The following CRMP1 variants were observed in gnomAD, a reference collection of about 807,000 sequenced individuals.
CRMP1 encodes dihydropyrimidinase-related protein 1.
A neutral mutation model predicts 68.3 loss-of-function variants in CRMP1; 19 were observed. The ratio of observed to expected loss-of-function variants is 0.28; its 90% CI spans 0.19 to 0.41. The LOEUF is 0.41. Ranked by LOEUF, CRMP1 falls within the 10% of genes least tolerant of loss-of-function variation. The probability of loss-of-function intolerance (pLI) is 1.00; values close to 1 mark genes in which losing one functional copy is unlikely to be tolerated. For synonymous variants in CRMP1, 439 were observed against 399.6 expected (o/e 1.10, Z -1.18); for missense variants, 791 against 967.4 (o/e 0.82, Z 2.42).
intron 1 of CRMP1, among the ~76,000 whole-genome samples, chr4:5,885,860 A>G (rs1339982218): frequency 7.4e-6 from 1 of 134,568 alleles, no homozygotes; most frequent in Non-Finnish European, 1.6e-5. Context: ...ATGCAAACCC[A>G]CTAACAGCCA....
intron 12 of CRMP1, chr4:5,828,084 G>C (rs1481636002): frequency 1.0e-6 from 1 of 985,324 alleles, no homozygotes; most frequent in East Asian, 1.1e-4. Context: ...CACAGGGCCA[G>C]ACCCGAGGGT....
intron 1 of CRMP1, chr4:5,887,899 C>T (rs1473019328): frequency 4.4e-6 from 3 of 675,702 alleles, no homozygotes; most frequent in East Asian, 6.8e-5. Context: ...GGGTTCGGAC[C>T]CCTGCCCCTC....
At chr4:5,873,587 T>A (rs576538535) in intron 1 of CRMP1, among the ~76,000 whole-genome samples, 72 of 151,406 alleles carry the variant, frequency 4.8e-4, no homozygotes, top group Non-Finnish European at 8.4e-4. Flanking sequence ...AATAACCAGA[T>A]CTCCTCAGAA....
chr4:5,828,743 C>G (rs1720078962), intron 11 of CRMP1, 75 bp from the exon 12 acceptor site: 2 of 1,523,918 alleles, frequency 1.3e-6, no homozygotes, highest in Admixed American at 4.1e-5. Flanking sequence ...AGCGATTTTG[C>G]CTAACATTAT....
rs993164589 is a variant in CRMP1 at position 5,872,410 on chromosome 4, G to A, written c.382-5654C>T. Among the ~76,000 whole-genome samples the A allele has an allele frequency of 1.3e-5, 2 of 152,208 alleles. No individual in the cohort carries two copies. The highest frequency in any genetic ancestry group is 2.4e-5 in the African/African-American group (1 of 41,446). On this transcript the variant is annotated intron_variant, in intron 1 of 13. Coordinates refer to ENST00000324989, the MANE Select transcript of CRMP1 (RefSeq NM_001014809.3). This position sits in a 1 kb window ranked among gnomAD's most constrained non-coding sequence, Gnocchi z 4.6. ...ACATTATTATGTATAACCTAGGCCA[G>A]GTGCGGTGGCTCACGCCTGTAATCC...
At chr4:5,836,696 T>C in intron 10 of CRMP1, 69 bp downstream of exon 10, 1 of 1,610,592 alleles carries the variant, frequency 6.2e-7, no homozygotes, top group Non-Finnish European at 8.5e-7. Context: ...CCAGCGTGCA[T>C]AATGCATCGG....
In CRMP1 at chr4:5,889,986, T is replaced by C; in HGVS notation, c.381+2603A>G. 1 of 1,144,814 alleles carries C rather than the reference T, an allele frequency of 8.7e-7. No individual in the cohort carries two copies. Among genetic ancestry groups the C allele is most frequent in the African/African-American group, 1.6e-5 (1 of 63,952 alleles). The allele number at this position is 1,144,814 out of a possible 1,614,324, so 70.9% of individuals were successfully genotyped here. On this transcript the variant is annotated intron_variant, in intron 1 of 13. Transcript: ENST00000324989. The surrounding 1 kb of genome is among the most constrained non-coding windows in gnomAD (Gnocchi z 4.5). ...GATGTACCCCGGGTGCAAAACATAT[T>C]AGCTGCAGCAAAGCAGCATGGAGAT...
chr4:5,840,491 G>A (rs929380946), intron 8 of CRMP1, among the ~76,000 whole-genome samples: 8 of 152,324 alleles, frequency 5.3e-5, no homozygotes, highest in South Asian at 2.1e-4. Context: ...AGCTCTGCCC[G>A]GCTCTAGGGC....
In CRMP1 at chr4:5,835,916, G is replaced by A. The variant is rs758401728; in HGVS notation, c.1622C>T (p.Ser541Leu). The A allele has an allele frequency of 3.9e-6, 6 of 1,536,796 alleles. No homozygotes were observed. Among genetic ancestry groups the A allele is most frequent in the South Asian group, 1.3e-5 (1 of 77,248 alleles). The change falls in exon 11 of 14, where the codon TCG becomes TTG. Residue 541 changes from serine (S) to leucine (L), a missense_variant and splice_region_variant. Around this residue, in one of 3 missense-constraint regions of CRMP1, gnomAD observed 594 missense variants for 763.6 expected, o/e 0.78. Coordinates refer to ENST00000324989, the MANE Select transcript of CRMP1 (RefSeq NM_001014809.3). Reference sequence around the variant, plus strand: ...CAGCACAAATAGGCCAGGACTTACCGACTTGTGACTTTTGGCTGTTATGGT... The same window carrying A: ...CAGCACAAATAGGCCAGGACTTACCAACTTGTGACTTTTGGCTGTTATGGT... ...LKTITAKSHKSAVEYNIFEGM... is the reference protein window; with the variant it reads ...LKTITAKSHKLAVEYNIFEGM...
intron 6 of CRMP1, among the ~76,000 whole-genome samples, chr4:5,844,082 C>T (rs1711999138): frequency 6.6e-6 from 1 of 152,098 alleles, no homozygotes; most frequent in Admixed American, 6.5e-5. Context: ...CCCTGGGCCT[C>T]ATCACCCATG....
rs984152054 is a variant in CRMP1 at position 5,891,332 on chromosome 4, T to A, written c.381+1257A>T. 2.0e-5 allele frequency among the ~76,000 whole-genome samples: 3 copies of A among 151,998 alleles called. No homozygotes were observed. Among genetic ancestry groups the A allele is most frequent in the Non-Finnish European group, 2.9e-5 (2 of 67,992 alleles). ...AGAGGCCCACCACCGTGTTTACCAGTTCCCTGCTCCTATTCCTCCAGGAAG... is the reference window on the plus strand; with the variant it reads ...AGAGGCCCACCACCGTGTTTACCAGATCCCTGCTCCTATTCCTCCAGGAAG... On this transcript the variant is annotated intron_variant, in intron 1 of 13. Coordinates refer to ENST00000324989, the MANE Select transcript of CRMP1 (RefSeq NM_001014809.3). This position sits in a 1 kb window ranked among gnomAD's most constrained non-coding sequence, Gnocchi z 5.2.
rs1715781557 is a variant in CRMP1 at position 5,888,627 on chromosome 4, C to T, written c.381+3962G>A. On this transcript the variant is annotated intron_variant, in intron 1 of 13. Transcript: ENST00000324989. The surrounding 1 kb of genome is among the most constrained non-coding windows in gnomAD (Gnocchi z 6.4). ...CTTCCCTTCCGATCTCCCACCCCGC[C>T]CCCCGCCCCCCACCCGCCCAGCCCC... 1 of 681,004 alleles carries T rather than the reference C, an allele frequency of 1.5e-6. No individual in the cohort carries two copies. Among genetic ancestry groups the T allele is most frequent in the Middle Eastern group, 6.9e-4 (1 of 1,446 alleles). The allele number at this position is 681,004 out of a possible 1,614,324, so 42.2% of individuals were successfully genotyped here.
At chr4:5,857,038 C>T (rs1243033528) in intron 3 of CRMP1, among the ~76,000 whole-genome samples, 1 of 54,724 alleles carries the variant, frequency 1.8e-5, no homozygotes, top group South Asian at 7.2e-4. Flanking sequence ...CACCACCATC[C>T]ACTATTATCA....
intron 1 of CRMP1, among the ~76,000 whole-genome samples, chr4:5,876,480 A>G (rs1043530794): frequency 2.0e-5 from 3 of 152,206 alleles, no homozygotes; most frequent in Non-Finnish European, 4.4e-5. Flanking sequence ...CTAACTGACC[A>G]GTCTCTTCTG....
rs1452203596 is a variant in CRMP1 at position 5,820,782 on chromosome 4, G to A, written c.*978C>T. On this transcript the variant is annotated 3_prime_UTR_variant, in exon 14 of 14. Coordinates refer to ENST00000324989, the MANE Select transcript of CRMP1 (RefSeq NM_001014809.3). ...ACTGAAATGAAAGTGCCCTAGTCAG[G>A]TCAGTGGGCAGTTCATTTTCTTTAT... is the stretch of plus-strand genomic sequence containing the variant. 2.0e-5 allele frequency: 3 copies of A among 150,844 alleles called. No individual in the cohort carries two copies. The highest frequency in any genetic ancestry group is 4.4e-5 in the Non-Finnish European group (3 of 68,024). The allele number at this position is 150,844 out of a possible 1,614,324, so 9.3% of individuals were successfully genotyped here. A position where few individuals can be genotyped will look rare whatever the true frequency, so the allele number is the denominator to read the frequency against.
chr4:5,849,245 C>A (rs1712444680), intron 6 of CRMP1, 147 bp downstream of exon 6: 2 of 614,108 alleles, frequency 3.3e-6, no homozygotes, highest in Non-Finnish European at 5.8e-6. Flanking sequence ...CATTTTCATT[C>A]ATATCTGATG....
At chr4:5,862,994 G>A (rs1713696697) in intron 2 of CRMP1, among the ~76,000 whole-genome samples, 1 of 152,010 alleles carries the variant, frequency 6.6e-6, no homozygotes, top group African/African-American at 2.4e-5. Context: ...TAAATTTTTT[G>A]TAGAGATGGG....
At chr4:5,830,417 T>A (rs1475714937) in intron 11 of CRMP1, among the ~76,000 whole-genome samples, 1 of 152,238 alleles carries the variant, frequency 6.6e-6, no homozygotes, top group Non-Finnish European at 1.5e-5. Flanking sequence ...CTTAGCAAGA[T>A]CCTTTCCCCT....
rs896395263 is a variant in CRMP1, at chr4:5,842,071, C to G, written c.1033-643G>C. ...TGGCTAACACGGTGAAACCCTGTCT[C>G]TACTGAAAATACAAAAAATTAGCCA... is the stretch of plus-strand genomic sequence containing the variant. On this transcript the variant is annotated intron_variant, in intron 7 of 13. Coordinates refer to ENST00000324989, the MANE Select transcript of CRMP1 (RefSeq NM_001014809.3). This position sits in a 1 kb window ranked among gnomAD's most constrained non-coding sequence, Gnocchi z 4.5. Among the ~76,000 whole-genome samples, 1 of 152,168 alleles carries G rather than the reference C, an allele frequency of 6.6e-6. No individual in the cohort carries two copies. The highest frequency in any genetic ancestry group is 1.5e-5 in the Non-Finnish European group (1 of 68,018).
Sources: gnomAD v4.1 joint callset for allele counts (sites outside exome capture counted in the v4.1 genomes callset) on GRCh38, gnomAD v4.1.1 for gene constraint, gnomAD v4.1.1 regional missense constraint, Gnocchi (gnomAD v3.1) non-coding constraint, MANE v1.5 for transcripts, NCBI Gene and HGNC (gene_info 2026-07-23, HGNC 2026-07-21) for gene names.